Variants in UBN2 observed in about 807,000 individuals in gnomAD.
UBN2 encodes the protein ubinuclein 2.
UBN2 carries 35 observed loss-of-function variants against 120.2 expected under a neutral mutation model. The ratio of observed to expected loss-of-function variants is 0.29; its 90% CI spans 0.22 to 0.39. The LOEUF is 0.39. UBN2 is among the 10% of genes least tolerant of loss of function. The pLI, the probability that UBN2 is intolerant of heterozygous loss-of-function variation, is 1.00. For missense variants in UBN2, 1,693 were observed against 1,663.2 expected (o/e 1.02, Z -0.31); for synonymous variants, 661 against 648.7 (o/e 1.02, Z -0.29).
At chr7:139,284,883 A>G (rs1797738848) in intron 15 of UBN2, among the ~76,000 whole-genome samples, 1 of 152,186 alleles carries the variant, frequency 6.6e-6, no homozygotes, top group South Asian at 2.1e-4. Context: ...ATTTGACAAA[A>G]CAAAACTAAA....
At chr7:139,243,146 G>A (rs1385477341) in intron 2 of UBN2, among the ~76,000 whole-genome samples, 1 of 152,186 alleles carries the variant, frequency 6.6e-6, no homozygotes, top group Admixed American at 6.6e-5. Context: ...ACTGTAATGA[G>A]GCTGCATTGG....
At position 139,285,230 on chromosome 7, in the gene UBN2, G is replaced by T. The variant is rs1797749182; in HGVS notation, c.3669+656G>T. Among the ~76,000 whole-genome samples the T allele has an allele frequency of 2.0e-5, 3 of 152,100 alleles. No homozygotes were observed. In the South Asian group the frequency reaches 6.2e-4, roughly 32 times the overall value. ...GCAATCTTTTCAAGAAGGGTAGCCGGGCATGGTGGCTCGTGTCTGTAATAC... is the reference window on the plus strand; with the variant it reads ...GCAATCTTTTCAAGAAGGGTAGCCGTGCATGGTGGCTCGTGTCTGTAATAC... On this transcript the variant is annotated intron_variant, in intron 15 of 17. Coordinates refer to ENST00000473989, the MANE Select transcript of UBN2 (RefSeq NM_173569.4).
In UBN2 at chr7:139,299,199, A is replaced by G. The variant is rs147629142; in HGVS notation, c.*1363A>G. The G allele has an allele frequency of 6.6e-6, 1 of 152,218 alleles. No individual in the cohort carries two copies. The highest frequency in any genetic ancestry group is 1.9e-4 in the East Asian group (1 of 5,180). 9.4% of individuals were successfully genotyped at this position (152,218 alleles called of 1,614,324 possible). A position where few individuals can be genotyped will look rare whatever the true frequency, so the allele number is the denominator to read the frequency against. On this transcript the variant is annotated 3_prime_UTR_variant, in exon 18 of 18. Coordinates refer to ENST00000473989, the MANE Select transcript of UBN2 (RefSeq NM_173569.4). Reference sequence around the variant, plus strand: ...TTGATTTGATGGGTTTTTTTGCCGCATTATTCTAGTTTTTTAAGCTTCTGA... The same window carrying G: ...TTGATTTGATGGGTTTTTTTGCCGCGTTATTCTAGTTTTTTAAGCTTCTGA...
the UBN2 span, among the ~76,000 whole-genome samples, chr7:139,325,840 C>T: frequency 6.6e-6 from 1 of 152,116 alleles, no homozygotes; most frequent in Non-Finnish European, 1.5e-5. Flanking sequence ...GATTGAAGGA[C>T]AGGATGGAGG....
chr7:139,314,626 T>C, the UBN2 span, among the ~76,000 whole-genome samples: 1 of 151,674 alleles, frequency 6.6e-6, no homozygotes, highest in Non-Finnish European at 1.5e-5. Flanking sequence ...GCTGGAATTA[T>C]AGGAATGCAC....
In UBN2 at chr7:139,294,447, A is replaced by G. The variant is rs1798053051; in HGVS notation, c.3994+466A>G. 5.3e-5 allele frequency among the ~76,000 whole-genome samples: 8 copies of G among 152,226 alleles called. No individual in the cohort carries two copies. The South Asian group carries it at 1.7e-3, about 32-fold the overall frequency. ...GCCCAAGATAATACACAACTTGCCC[A>G]GATAACAAATGCTTGATCTGAGATA... On this transcript the variant is annotated intron_variant, in intron 17 of 17. Coordinates refer to ENST00000473989, the MANE Select transcript of UBN2 (RefSeq NM_173569.4).
rs771876126 is a variant in UBN2, at chr7:139,251,977, C to T, written c.583C>T (p.Arg195Trp). Residue 195 changes from arginine to tryptophan, a missense_variant, in exon 3 of 18, where the codon CGG becomes TGG. This residue lies in a region of UBN2 where 663 missense variants were observed against 591.2 expected (regional missense o/e 1.12). Coordinates refer to ENST00000473989, the MANE Select transcript of UBN2 (RefSeq NM_173569.4). ...MKYGGKPRKH[R>W]KDRLQDLIDI... ...GCAGGGTGGGAAACCCCGTAAACACCGGAAGGATCGGCTACAAGATTTAAT... is the reference window on the plus strand; with the variant it reads ...GCAGGGTGGGAAACCCCGTAAACACTGGAAGGATCGGCTACAAGATTTAAT... The T allele has an allele frequency of 1.2e-5, 20 of 1,613,874 alleles. No individual in the cohort carries two copies. The highest frequency in any genetic ancestry group is 2.2e-5 in the South Asian group (2 of 91,068).
chr7:139,309,862 A>G (rs1277966399), downstream of UBN2, among the ~76,000 whole-genome samples: 16 of 152,290 alleles, frequency 1.1e-4, no homozygotes, highest in Admixed American at 9.8e-4. Flanking sequence ...TTGTAAGTGT[A>G]AATACATATG....
intron 12 of UBN2, among the ~76,000 whole-genome samples, chr7:139,278,663 A>T (rs1015781951): frequency 1.3e-5 from 2 of 152,096 alleles, no homozygotes; most frequent in African/African-American, 4.8e-5. Flanking sequence ...ATGAAGTTGT[A>T]AATTGACAGT....
rs1297588671 is a variant in UBN2 at position 139,273,326 on chromosome 7, A to G, written c.1745A>G (p.Asn582Ser). ...KLQTDEEREK[N>S]GSEEDDDEKP... ...CAGACAGATGAAGAACGAGAAAAAA[A>G]TGGATCTGAAGAGGATGATGATGAG... Residue 582 changes from asparagine to serine, a missense_variant, in exon 10 of 18, where the codon AAT becomes AGT. Coordinates refer to ENST00000473989, the MANE Select transcript of UBN2 (RefSeq NM_173569.4). The G allele has an allele frequency of 1.7e-5, 28 of 1,606,874 alleles. No individual in the cohort carries two copies. Among genetic ancestry groups the G allele is most frequent in the Non-Finnish European group, 2.2e-5 (26 of 1,176,760 alleles).
intron 2 of UBN2, 151 bp from the exon 3 acceptor site, chr7:139,251,805 G>A (rs1796631742): frequency 3.2e-6 from 2 of 632,046 alleles, no homozygotes; most frequent in South Asian, 3.8e-5. Flanking sequence ...AAGTCACTAA[G>A]TGCAATTTGC....
chr7:139,284,118 A>G lies in UBN2; in HGVS notation c.3213A>G (p.Val1071=), dbSNP rs763910892. 2.5e-6 allele frequency: 4 copies of G among 1,613,992 alleles called. No homozygotes were observed. The highest frequency in any genetic ancestry group is 1.7e-5 in the Admixed American group (1 of 59,990). ...CCTCTCTGTCAGCTAAGCCTTCAGT[A>G]TCAACTAAACTTATTTCTAAATCCA... is the stretch of plus-strand genomic sequence containing the variant. ...PKPSLSAKPS[V]STKLISKSNP... Residue 1071 remains valine, a synonymous_variant, in exon 15 of 18, where the codon GTA becomes GTG. Transcript: ENST00000473989.
intron 14 of UBN2, 29 bp from the exon 15 acceptor site, chr7:139,282,995 A>G (rs1563222130): frequency 1.4e-6 from 2 of 1,451,716 alleles, no homozygotes; most frequent in Non-Finnish European, 1.8e-6. Context: ...CACCATTTCT[A>G]TTTTTTTCCA....
At chr7:139,241,728 G>A (rs919846342) in intron 2 of UBN2, among the ~76,000 whole-genome samples, 1 of 152,188 alleles carries the variant, frequency 6.6e-6, no homozygotes, top group Non-Finnish European at 1.5e-5. Flanking sequence ...TAGGTGAAGC[G>A]GCCCGTGCCT....
chr7:139,252,191 G>T, intron 3 of UBN2, 134 bp downstream of exon 3: 4 of 595,348 alleles, frequency 6.7e-6, no homozygotes, highest in Non-Finnish European at 1.1e-5. Flanking sequence ...ACTACTTAAA[G>T]ATTTCTTTAC....
the UBN2 span, among the ~76,000 whole-genome samples, chr7:139,320,673 C>T: frequency 3.3e-5 from 5 of 151,964 alleles, no homozygotes; most frequent in African/African-American, 1.2e-4. Flanking sequence ...GCCTTGCCAA[C>T]ATGGTGAAAC....
chr7:139,313,984 G>A, the UBN2 span, among the ~76,000 whole-genome samples: 1 of 151,748 alleles, frequency 6.6e-6, no homozygotes, highest in South Asian at 2.1e-4. Context: ...AAGTAGCTGG[G>A]ATTACAGGCG....
At chr7:139,244,302 G>C (rs1796402415) in intron 2 of UBN2, among the ~76,000 whole-genome samples, 1 of 152,190 alleles carries the variant, frequency 6.6e-6, no homozygotes, top group East Asian at 1.9e-4. Context: ...TTTGATAGTT[G>C]AAAGTGTATC....
At chr7:139,288,436 A>G (rs1258944276) in intron 15 of UBN2, among the ~76,000 whole-genome samples, 1 of 152,188 alleles carries the variant, frequency 6.6e-6, no homozygotes, top group African/African-American at 2.4e-5. Flanking sequence ...AGACACTGAG[A>G]TGGAAAAGAG....
Sources: allele counts gnomAD v4.1 joint callset (sites outside exome capture counted in the v4.1 genomes callset), GRCh38; gene constraint gnomAD v4.1.1; regional missense constraint gnomAD v4.1.1; transcripts MANE v1.5; gene names NCBI Gene and HGNC (gene_info 2026-07-23, HGNC 2026-07-21).